SLC8A1: variants seen among roughly 807,000 people sequenced by gnomAD.
The protein encoded by SLC8A1 is sodium/calcium exchanger 1.
SLC8A1 carries 18 observed loss-of-function variants against 68.3 expected under a neutral mutation model. That is an observed-to-expected ratio of 0.26 (90% CI 0.18 to 0.39). SLC8A1 has a LOEUF of 0.39. SLC8A1 is among the 10% of genes least tolerant of loss of function. The pLI is 1.00. For synonymous variants in SLC8A1, 475 were observed against 415.5 expected, an observed-to-expected ratio of 1.14 and a Z score of -1.74; for missense variants, 985 against 1,156.7, an observed-to-expected ratio of 0.85 and a Z score of 2.15.
intron 7 of SLC8A1, among the ~76,000 whole-genome samples, chr2:40,127,544 C>A (rs1478896350): frequency 6.6e-6 from 1 of 152,140 alleles, no homozygotes; most frequent in South Asian, 2.1e-4. Context: ...GTTGTGGTTA[C>A]CTGCTTTTTT....
At chr2:40,333,459 G>GAA (rs1185289266) in intron 2 of SLC8A1, among the ~76,000 whole-genome samples, 4 of 123,502 alleles carry the variant, frequency 3.2e-5, no homozygotes, top group African/African-American at 9.2e-5. Flanking sequence ...AAAAAGAAAA[G>GAA]AAAAAAAAAA....
At chr2:40,402,976 G>C (rs1689196066) in intron 2 of SLC8A1, among the ~76,000 whole-genome samples, 1 of 152,106 alleles carries the variant, frequency 6.6e-6, no homozygotes, top group Non-Finnish European at 1.5e-5. Flanking sequence ...GAAAATTAAA[G>C]CCACAAATTT....
At chr2:40,232,774 G>C (rs1313982320) in intron 2 of SLC8A1, among the ~76,000 whole-genome samples, 1 of 106,744 alleles carries the variant, frequency 9.4e-6, no homozygotes, top group African/African-American at 3.7e-5. Context: ...ACAGTCCCCA[G>C]AGTGTGATAT....
intron 1 of SLC8A1, among the ~76,000 whole-genome samples, chr2:40,431,006 C>A (rs1273412591): frequency 6.6e-6 from 1 of 152,178 alleles, no homozygotes; most frequent in Non-Finnish European, 1.5e-5. Context: ...TATTTCCACA[C>A]ATTAAGTACA....
intron 2 of SLC8A1, among the ~76,000 whole-genome samples, chr2:40,357,927 C>T (rs1575664923): frequency 6.6e-6 from 1 of 151,542 alleles, no homozygotes; most frequent in Non-Finnish European, 1.5e-5. Context: ...TTTTGAGTTG[C>T]ATGGTTCCTC....
chr2:40,456,364 G>A (rs1703025507), upstream of SLC8A1, among the ~76,000 whole-genome samples: 1 of 144,822 alleles, frequency 6.9e-6, no homozygotes, highest in East Asian at 2.1e-4. Flanking sequence ...ACAAAATTCT[G>A]AGACTTCTGT....
chr2:40,321,167 C>T (rs1292242538), intron 2 of SLC8A1, among the ~76,000 whole-genome samples: 1 of 152,132 alleles, frequency 6.6e-6, no homozygotes, highest in Non-Finnish European at 1.5e-5. Flanking sequence ...TCTTTATTTG[C>T]AAAGTCTTTC....
chr2:40,455,823 G>A (rs1217293080), upstream of SLC8A1, among the ~76,000 whole-genome samples: 1 of 152,098 alleles, frequency 6.6e-6, no homozygotes, highest in Non-Finnish European at 1.5e-5. Flanking sequence ...CACCACTCTT[G>A]TACCTCACCC....
At chr2:40,331,160 A>G (rs35042618) in intron 2 of SLC8A1, among the ~76,000 whole-genome samples, 35,594 of 152,108 alleles carry the variant, frequency 0.23, 4,813 homozygotes, top group East Asian at 0.38. Context: ...TTGTTATAAG[A>G]ATTTATTGAG....
chr2:40,255,555 T>C (rs781575725), intron 2 of SLC8A1, among the ~76,000 whole-genome samples: 1 of 152,234 alleles, frequency 6.6e-6, no homozygotes, highest in Non-Finnish European at 1.5e-5. Context: ...TCAGGTTCTC[T>C]TGCAATTATG....
intron 2 of SLC8A1, among the ~76,000 whole-genome samples, chr2:40,360,963 C>G (rs1397885701): frequency 4.6e-5 from 7 of 152,056 alleles, no homozygotes; most frequent in Non-Finnish European, 1.0e-4. Flanking sequence ...ACAAAAAGAG[C>G]CTGTAGATCT....
At chr2:40,463,559 T>C (rs1039050331) in intron 1 of SLC8A1, among the ~76,000 whole-genome samples, 1 of 152,072 alleles carries the variant, frequency 6.6e-6, no homozygotes, top group Non-Finnish European at 1.5e-5. Context: ...ACTTAATTAT[T>C]AAGGGGAGAA....
At chr2:40,304,834 C>A (rs1024516887) in intron 2 of SLC8A1, among the ~76,000 whole-genome samples, 2 of 152,122 alleles carry the variant, frequency 1.3e-5, no homozygotes, top group African/African-American at 4.8e-5. Context: ...ACCTCATGCG[C>A]CCGCCAGAGA....
At chr2:40,295,573 C>A (rs1402200403) in intron 2 of SLC8A1, among the ~76,000 whole-genome samples, 1 of 152,116 alleles carries the variant, frequency 6.6e-6, no homozygotes, top group Non-Finnish European at 1.5e-5. Flanking sequence ...TAATTAGCAT[C>A]ATACAGAAAG....
intron 1 of SLC8A1, among the ~76,000 whole-genome samples, chr2:40,506,390 G>GT (rs1476341295): frequency 6.6e-6 from 1 of 151,898 alleles, no homozygotes; most frequent in Non-Finnish European, 1.5e-5. Flanking sequence ...TTTAGTCTGT[G>GT]TTCCCCAAAA....
chr2:40,488,166 G>A (rs909819212), intron 1 of SLC8A1, among the ~76,000 whole-genome samples: 2 of 150,550 alleles, frequency 1.3e-5, no homozygotes, highest in Admixed American at 6.6e-5. Context: ...TTCACAAGAT[G>A]AGATAAACTG....
intron 2 of SLC8A1, among the ~76,000 whole-genome samples, chr2:40,278,752 C>G (rs747293406): frequency 7.2e-4 from 109 of 152,022 alleles, no homozygotes; most frequent in Non-Finnish European, 1.0e-3. Context: ...TTTCTGCATA[C>G]CTTGCTCTTA....
intron 2 of SLC8A1, among the ~76,000 whole-genome samples, chr2:40,346,598 T>C (rs1448382766): frequency 6.6e-6 from 1 of 151,868 alleles, no homozygotes; most frequent in Non-Finnish European, 1.5e-5. Flanking sequence ...GAGCTTGTTC[T>C]CTAATGGAAT....
exon 8 of SLC8A1, chr2:40,104,359 C>A (rs2034072043): frequency 6.6e-6 from 1 of 152,204 alleles, no homozygotes; most frequent in Non-Finnish European, 1.5e-5. Context: ...ATTTTCCCAA[C>A]TTGAAATGTT....
Sources: allele counts gnomAD v4.1 joint callset (sites outside exome capture counted in the v4.1 genomes callset), GRCh38; gene constraint gnomAD v4.1.1; transcripts MANE v1.5; gene names NCBI Gene and HGNC (gene_info 2026-07-23, HGNC 2026-07-21).